The following KRABD1 variants were observed in gnomAD, a reference collection of about 807,000 sequenced individuals.
KRABD1 encodes KRAB domain containing 1.
At chr3:42,941,978 G>A in the KRABD1 span, 1 of 1,535,838 alleles carries the variant, frequency 6.5e-7, no homozygotes. Context: ...TTCCAAACCA[G>A]CTTTGGTCTC....
the KRABD1 span, chr3:42,939,078 T>A: frequency 1.8e-6 from 1 of 563,216 alleles, no homozygotes; most frequent in South Asian, 3.4e-5. Flanking sequence ...ACACACACAT[T>A]TCTCATTGAG....
chr3:42,937,092 A>G, the KRABD1 span: 2 of 152,194 alleles, frequency 1.3e-5, no homozygotes, highest in East Asian at 1.9e-4. Flanking sequence ...ATAGTTTCCT[A>G]TGTACAGGAT....
the KRABD1 span, among the ~76,000 whole-genome samples, chr3:42,940,486 G>C: frequency 6.6e-6 from 1 of 152,124 alleles, no homozygotes; most frequent in Non-Finnish European, 1.5e-5. Flanking sequence ...TGGCTCATAG[G>C]TTCCCTTAAT....
At chr3:42,937,030 T>A in the KRABD1 span, 43 of 152,198 alleles carry the variant, frequency 2.8e-4, no homozygotes, top group African/African-American at 9.7e-4. Context: ...ATGTTAAATC[T>A]AAAAAGACTG....
At chr3:42,940,504 T>TC in the KRABD1 span, among the ~76,000 whole-genome samples, 19 of 152,294 alleles carry the variant, frequency 1.2e-4, no homozygotes, top group Non-Finnish European at 1.5e-4. Context: ...AATCTCATAC[T>TC]CCATGTTAAG....
At chr3:42,941,288 GC>G in the KRABD1 span, 4 of 1,596,702 alleles carry the variant, frequency 2.5e-6, no homozygotes, top group African/African-American at 5.3e-5. Flanking sequence ...CCATCATGGT[GC>G]CTGCCGAGAG....
At chr3:42,942,113 C>G in the KRABD1 span, 1 of 1,329,372 alleles carries the variant, frequency 7.5e-7, no homozygotes, top group South Asian at 1.3e-5. Flanking sequence ...TTGTCTCTTC[C>G]TTTGCCTTCA....
At chr3:42,941,924 C>T in the KRABD1 span, 5 of 1,314,364 alleles carry the variant, frequency 3.8e-6, no homozygotes, top group Admixed American at 5.9e-5. Flanking sequence ...TGACTATGCT[C>T]ATTATTGTGT....
chr3:42,936,688 C>A, the KRABD1 span: 1 of 152,270 alleles, frequency 6.6e-6, no homozygotes, highest in Non-Finnish European at 1.5e-5. Flanking sequence ...ATGTTAACTT[C>A]GAAGCCCACA....
At chr3:42,941,833 C>G in the KRABD1 span, 1 of 659,302 alleles carries the variant, frequency 1.5e-6, no homozygotes, top group Non-Finnish European at 2.7e-6. Flanking sequence ...TTTAGGGTAC[C>G]TCTCGTATAG....
chr3:42,940,208 C>T, the KRABD1 span, among the ~76,000 whole-genome samples: 1 of 152,236 alleles, frequency 6.6e-6, no homozygotes, highest in African/African-American at 2.4e-5. Context: ...CCAATTGATT[C>T]AGGATTATGT....
the KRABD1 span, chr3:42,942,076 G>C: frequency 6.6e-7 from 1 of 1,525,328 alleles, no homozygotes; most frequent in Non-Finnish European, 8.8e-7. Flanking sequence ...GGATAGGTGA[G>C]TTAAGCAAGA....
chr3:42,941,951 C>G, the KRABD1 span: 8 of 1,508,258 alleles, frequency 5.3e-6, 1 homozygote, highest in South Asian at 9.6e-5. Flanking sequence ...TTCTTCTTTT[C>G]GAGCAGTGCC....
the KRABD1 span, chr3:42,937,777 C>T: frequency 1.3e-5 from 2 of 152,234 alleles, no homozygotes; most frequent in African/African-American, 4.8e-5. Context: ...GCTTCCTCTA[C>T]CTTCCTGAAT....
chr3:42,941,332 A>G, the KRABD1 span: 1 of 1,598,828 alleles, frequency 6.3e-7, no homozygotes, highest in East Asian at 2.2e-5. Context: ...CTGGAGAACT[A>G]TGAGGCTGTG....
the KRABD1 span, among the ~76,000 whole-genome samples, chr3:42,939,357 C>T: frequency 1.3e-5 from 2 of 152,176 alleles, no homozygotes; most frequent in African/African-American, 2.4e-5. Context: ...TTTTGCTCAA[C>T]GTTATGTCTG....
chr3:42,941,584 C>A, the KRABD1 span, among the ~76,000 whole-genome samples: 1 of 152,094 alleles, frequency 6.6e-6, no homozygotes, highest in Admixed American at 6.6e-5. Context: ...TATCTTGATA[C>A]CCTTAGCCTA....
the KRABD1 span, among the ~76,000 whole-genome samples, chr3:42,940,102 G>A: frequency 8.5e-5 from 13 of 152,292 alleles, no homozygotes; most frequent in East Asian, 2.5e-3. Context: ...TCTTCTAGAA[G>A]ATTTATTGTT....
the KRABD1 span, chr3:42,942,028 A>T: frequency 6.5e-7 from 1 of 1,536,064 alleles, no homozygotes; most frequent in African/African-American, 1.4e-5. Context: ...TCACCCAGCC[A>T]CAGGGAGTCC....
Sources: gnomAD v4.1 joint callset for allele counts (sites outside exome capture counted in the v4.1 genomes callset) on GRCh38, gnomAD v4.1.1 for gene constraint, MANE v1.5 for transcripts, NCBI Gene and HGNC (gene_info 2026-07-23, HGNC 2026-07-21) for gene names.